The following NINJ2 variants were observed in gnomAD, a reference collection of about 807,000 sequenced individuals.
The protein encoded by NINJ2 is ninjurin 2, also known as ninjurin-2.
Under a neutral mutation model 11.7 loss-of-function variants are expected in NINJ2, and 12 were observed. The observed-to-expected ratio is 1.02, with a 90% CI of 0.66 to 1.66. The LOEUF (loss-of-function observed/expected upper bound fraction) is 1.66, where lower values mean the gene tolerates loss of function less well. NINJ2 is among the 40% of genes most tolerant of loss of function. NINJ2 has a pLI of 0.00. For missense variants in NINJ2, 187 were observed against 181.8 expected (o/e 1.03, Z -0.16); for synonymous variants, 93 against 76.8 (o/e 1.21, Z -1.10).
At chr12:611,267 T>TCTCTC (rs1440796115) in intron 1 of NINJ2, among the ~76,000 whole-genome samples, 2 of 115,630 alleles carry the variant, frequency 1.7e-5, no homozygotes, top group East Asian at 2.4e-4. Context: ...CTTTCTTTCT[T>TCTCTC]TCTTTCTCTC....
At chr12:611,781 C>G (rs940165574) in intron 1 of NINJ2, among the ~76,000 whole-genome samples, 5 of 152,240 alleles carry the variant, frequency 3.3e-5, no homozygotes, top group Non-Finnish European at 5.9e-5. Context: ...CAATAAATAA[C>G]CTGCTAGAAG....
chr12:609,158 ACG>A (rs368094640), intron 1 of NINJ2, among the ~76,000 whole-genome samples: 1,361 of 34,770 alleles, frequency 0.039, 359 homozygotes, highest in African/African-American at 0.14. Flanking sequence ...TAGGGGCTGT[ACG>A]CGCACGCACG....
At chr12:586,460 T>C (rs964370799) in intron 1 of NINJ2, 5 of 152,310 alleles carry the variant, frequency 3.3e-5, no homozygotes, top group African/African-American at 1.2e-4. Flanking sequence ...CAGAGGCTGC[T>C]GGCTCTTTTC....
chr12:610,389 A>C lies in NINJ2; in HGVS notation c.34-44211T>G. 3 of 1,535,544 alleles carry C rather than the reference A, an allele frequency of 2.0e-6. No individual in the cohort carries two copies. The South Asian group carries it at 3.6e-5, about 18-fold the overall frequency. On this transcript the variant is annotated intron_variant, in intron 1 of 3. Transcript: ENST00000305108. Reference sequence around the variant, plus strand: ...GATCCCATTTGCTGACTTGGAACTGAAGCCTCTTGCCCCACCAAGCAATTA... The same window carrying C: ...GATCCCATTTGCTGACTTGGAACTGCAGCCTCTTGCCCCACCAAGCAATTA...
chr12:619,604 G>GCA (rs1294643541), intron 1 of NINJ2, among the ~76,000 whole-genome samples: 4 of 152,196 alleles, frequency 2.6e-5, no homozygotes, highest in Non-Finnish European at 5.9e-5. Flanking sequence ...CTGGGCCCTT[G>GCA]CAGGATGTGG....
At chr12:611,601 G>A (rs898026603) in intron 1 of NINJ2, among the ~76,000 whole-genome samples, 1 of 152,248 alleles carries the variant, frequency 6.6e-6, no homozygotes, top group African/African-American at 2.4e-5. Flanking sequence ...GCCTCCCAAA[G>A]TTGGGATTAT....
At chr12:642,969 C>T (rs1337583894) in intron 1 of NINJ2, 1 of 149,920 alleles carries the variant, frequency 6.7e-6, no homozygotes, top group African/African-American at 2.4e-5. Context: ...CCCGCCGGCC[C>T]GGCCCTCCCT....
chr12:629,896 A>AAAAAAAAAAAAAATATATATATATAT, intron 1 of NINJ2, among the ~76,000 whole-genome samples: 1 of 9,904 alleles, frequency 1.0e-4, no homozygotes, highest in African/African-American at 1.5e-4. Context: ...AAAAAAAAAA[A>AAAAAAAAAAAAAATATATATATATAT]ATATATATAT....
At chr12:662,409 C>CGAGAGAGAGAGAGAGAGAGAGAGAGA (rs111778018) in intron 1 of NINJ2, among the ~76,000 whole-genome samples, 45 of 147,518 alleles carry the variant, frequency 3.1e-4, no homozygotes, top group Non-Finnish European at 5.0e-4. Context: ...ACACAGAGAA[C>CGAGAGAGAGAGAGAGAGAGAGAGAGA]GAGAGAGAGA....
rs867534919 is a variant in NINJ2, at chr12:577,427, A to G, written c.34-11249T>C. Among the ~76,000 whole-genome samples, 11 of 62,620 alleles carry G rather than the reference A, an allele frequency of 1.8e-4. 1 individual carries two copies. In the South Asian group the frequency reaches 3.4e-3, roughly 19 times the overall value. The allele number at this position is 62,620 out of a possible 152,430, so 41.1% of individuals were successfully genotyped here. On this transcript the variant is annotated intron_variant, in intron 1 of 3. Transcript: ENST00000305108. ...AGCAACACTAGTCTCATATATATAT[A>G]TACATATATATATATAAATATTTTG...
intron 1 of NINJ2, among the ~76,000 whole-genome samples, chr12:659,054 ATATATAT>A (rs1251463939): frequency 9.0e-6 from 1 of 111,036 alleles, no homozygotes; most frequent in Non-Finnish European, 1.9e-5. Context: ...ATTATATATA[ATATATAT>A]ATAATATATA....
intron 1 of NINJ2, among the ~76,000 whole-genome samples, chr12:604,422 G>A (rs1000147184): frequency 1.8e-4 from 27 of 152,212 alleles, no homozygotes; most frequent in Middle Eastern, 3.2e-3. Context: ...CGGATCACTT[G>A]AGGTCAGGAG....
Position 640,574 on chromosome 12 carries a change from G to C in NINJ2, c.33+22754C>G, listed in dbSNP as rs553986646. Reference sequence around the variant, plus strand: ...GAGTCTTGCCCTGTCACCCAGGCTGGAGTGTAGTGGTGTGATATGGGCTCA... The same window carrying C: ...GAGTCTTGCCCTGTCACCCAGGCTGCAGTGTAGTGGTGTGATATGGGCTCA... On this transcript the variant is annotated intron_variant, in intron 1 of 3. Coordinates refer to ENST00000305108, the MANE Select transcript of NINJ2 (RefSeq NM_016533.6). This position sits in a 1 kb window ranked among gnomAD's most constrained non-coding sequence, Gnocchi z 4.0. Among the ~76,000 whole-genome samples, 3 of 152,230 alleles carry C rather than the reference G, an allele frequency of 2.0e-5. No individual in the cohort carries two copies. In the South Asian group the frequency reaches 6.2e-4, roughly 32 times the overall value.
chr12:566,124 T>G lies in NINJ2; in HGVS notation c.88A>C (p.Lys30Gln). The G allele has an allele frequency of 6.2e-7, 1 of 1,614,098 alleles. No individual in the cohort carries two copies. The highest frequency in any genetic ancestry group is 1.6e-4 in the Middle Eastern group (1 of 6,062). The change falls in exon 2 of 4, where the codon AAG (lysine) becomes CAG (glutamine). Residue 30 changes from lysine (K) to glutamine (Q), a missense_variant. Coordinates refer to ENST00000305108, the MANE Select transcript of NINJ2 (RefSeq NM_016533.6). ...QPINLNHYAT[K>Q]KSVAESMLDV... ...AGCATGCTCTCCGCCACGCTCTTCT[T>G]GGTGGCGTAATGGTTCAGGTTGATG... is the stretch of plus-strand genomic sequence containing the variant.
chr12:619,226 G>A (rs1050304964), intron 1 of NINJ2, among the ~76,000 whole-genome samples: 4 of 152,182 alleles, frequency 2.6e-5, no homozygotes, highest in Non-Finnish European at 5.9e-5. Flanking sequence ...GGGCACTTGG[G>A]GTAGGGGATG....
At chr12:598,928 G>A (rs28475752) in intron 1 of NINJ2, among the ~76,000 whole-genome samples, 54,626 of 151,306 alleles carry the variant, frequency 0.36, 10,360 homozygotes, top group African/African-American at 0.48. Context: ...TCGAACTCCT[G>A]GGCTCAAGTG....
At chr12:639,825 CA>C (rs1466126222) in intron 1 of NINJ2, among the ~76,000 whole-genome samples, 1 of 152,220 alleles carries the variant, frequency 6.6e-6, no homozygotes, top group Non-Finnish European at 1.5e-5. Context: ...CCAGGTGTAA[CA>C]AATCCCACCT....
At chr12:576,207 A>G (rs972663210) in intron 1 of NINJ2, among the ~76,000 whole-genome samples, 1 of 152,158 alleles carries the variant, frequency 6.6e-6, no homozygotes, top group Admixed American at 6.5e-5. Context: ...ACTGGGGCCT[A>G]AAGCTGCAGC....
At chr12:597,857 T>C (rs555480635) in intron 1 of NINJ2, among the ~76,000 whole-genome samples, 87 of 152,202 alleles carry the variant, frequency 5.7e-4, no homozygotes, top group Admixed American at 2.9e-3. Context: ...CATTGTTGCT[T>C]TTGGGGAATG....
Sources: allele counts gnomAD v4.1 joint callset (sites outside exome capture counted in the v4.1 genomes callset), GRCh38; gene constraint gnomAD v4.1.1; non-coding constraint Gnocchi (gnomAD v3.1); transcripts MANE v1.5; gene names NCBI Gene and HGNC (gene_info 2026-07-23, HGNC 2026-07-21).